The following TIGAR variants were observed in gnomAD, a reference collection of about 807,000 sequenced individuals.
TIGAR encodes fructose-2,6-bisphosphatase TIGAR.
In TIGAR, 7 loss-of-function variants were observed where a neutral mutation model predicts 17.9. The ratio of observed to expected loss-of-function variants is 0.39; its 90% confidence interval spans 0.22 to 0.73. The LOEUF (loss-of-function observed/expected upper bound fraction) is 0.73, where lower values mean the gene tolerates loss of function less well. TIGAR is among the 30% of genes least tolerant of loss of function. The pLI is 0.42. For synonymous variants in TIGAR, 94 were observed against 108.6 expected (o/e 0.87, Z 0.84); for missense variants, 258 against 327.4 (o/e 0.79, Z 1.64).
rs1315792773 is a variant in TIGAR at position 4,358,248 on chromosome 12, C to T, written c.*5557C>T. Among the ~76,000 whole-genome samples, 3 of 149,650 alleles carry T rather than the reference C, an allele frequency of 2.0e-5. No individual in the cohort carries two copies. In the South Asian group the frequency reaches 6.3e-4, roughly 31 times the overall value. On this transcript the variant is annotated 3_prime_UTR_variant, in exon 6 of 6. Coordinates refer to ENST00000179259, the MANE Select transcript of TIGAR (RefSeq NM_020375.3). ...CCAGCCTGGCCAACATGGTGAAACCCTGTCTTTACTAAAAATACAAAAATT... is the reference window on the plus strand; with the variant it reads ...CCAGCCTGGCCAACATGGTGAAACCTTGTCTTTACTAAAAATACAAAAATT...
At chr12:4,345,831 A>T (rs1411247704) in intron 3 of TIGAR, among the ~76,000 whole-genome samples, 1 of 152,224 alleles carries the variant, frequency 6.6e-6, no homozygotes, top group African/African-American at 2.4e-5. Flanking sequence ...CAACCTACAG[A>T]ATGGGAGAAA....
chr12:4,324,351 G>A (rs941213141), intron 1 of TIGAR: 1 of 717,790 alleles, frequency 1.4e-6, no homozygotes. Flanking sequence ...GGAAATATGT[G>A]TGCCTTTATT....
In TIGAR at chr12:4,356,837, C is replaced by T. The variant is rs1211633859; in HGVS notation, c.*4146C>T. On this transcript the variant is annotated 3_prime_UTR_variant, in exon 6 of 6. Transcript: ENST00000179259. ...TTCCAGTTCCAGGCTTCACCCCAGG[C>T]TCGCAGCTTCAAGCAGAGCCTGTCG... is the stretch of plus-strand genomic sequence containing the variant. 6.6e-6 allele frequency among the ~76,000 whole-genome samples: 1 copy of T among 152,190 alleles called. No individual in the cohort carries two copies. Among genetic ancestry groups the T allele is most frequent in the Non-Finnish European group, 1.5e-5 (1 of 68,038 alleles).
chr12:4,321,724 G>C lies in TIGAR; in HGVS notation c.32+421G>C, dbSNP rs907249037. On this transcript the variant is annotated intron_variant, in intron 1 of 5. Transcript: ENST00000179259. The surrounding 1 kb of genome is among the most constrained non-coding windows in gnomAD (Gnocchi z 5.2). The stretch of plus-strand genomic sequence containing the variant: ...ATGTTTTTGATGCCGGCTGCCTTCC[G>C]CTATCCTCTCAGTTTCTGAGGTTCC... Among the ~76,000 whole-genome samples the C allele has an allele frequency of 1.3e-5, 2 of 152,160 alleles. No homozygotes were observed. Among genetic ancestry groups the C allele is most frequent in the Non-Finnish European group, 2.9e-5 (2 of 68,026 alleles).
At chr12:4,334,325 G>A (rs1253315711) in intron 2 of TIGAR, among the ~76,000 whole-genome samples, 1 of 152,128 alleles carries the variant, frequency 6.6e-6, no homozygotes, top group Non-Finnish European at 1.5e-5. Context: ...TCACATGGCA[G>A]AGAGATAGAT....
In TIGAR at chr12:4,352,742, C is replaced by T; in HGVS notation, c.*51C>T. On this transcript the variant is annotated 3_prime_UTR_variant, in exon 6 of 6. Transcript: ENST00000179259. The stretch of plus-strand genomic sequence containing the variant: ...CATTTTGAGCCTCTGAAGGGAGTGC[C>T]ATTGGCTTTATTTACTTCTCTCCTC... 5.2e-6 allele frequency: 8 copies of T among 1,525,612 alleles called. No individual in the cohort carries two copies. Among genetic ancestry groups the T allele is most frequent in the Non-Finnish European group, 7.0e-6 (8 of 1,137,814 alleles). 94.5% of individuals were successfully genotyped at this position (1,525,612 alleles called of 1,614,324 possible). A position where few individuals can be genotyped will look rare whatever the true frequency, so the allele number is the denominator to read the frequency against.
chr12:4,348,368 A>G (rs1303885697), intron 3 of TIGAR, among the ~76,000 whole-genome samples: 1 of 152,234 alleles, frequency 6.6e-6, no homozygotes, highest in African/African-American at 2.4e-5. Context: ...CCATATCTAC[A>G]TTCATTATAG....
intron 4 of TIGAR, among the ~76,000 whole-genome samples, chr12:4,350,099 A>G (rs1030629154): frequency 2.0e-5 from 3 of 152,230 alleles, no homozygotes; most frequent in Non-Finnish European, 4.4e-5. Context: ...CAAGCATCTT[A>G]AGGTATAAAA....
chr12:4,338,021 T>C (rs927018533), intron 3 of TIGAR, among the ~76,000 whole-genome samples: 2 of 152,038 alleles, frequency 1.3e-5, no homozygotes, highest in Non-Finnish European at 2.9e-5. Context: ...TCCCAGCTAC[T>C]TGGGAGGCTG....
intron 3 of TIGAR, among the ~76,000 whole-genome samples, chr12:4,347,477 A>G (rs753369512): frequency 1.1e-4 from 17 of 152,328 alleles, no homozygotes; most frequent in African/African-American, 3.4e-4. Context: ...AAGACCTAGT[A>G]TTTGATAGCG....
Position 4,358,059 on chromosome 12 carries a change from G to A in TIGAR, c.*5368G>A, listed in dbSNP as rs936662813. 7.4e-5 allele frequency among the ~76,000 whole-genome samples: 11 copies of A among 149,390 alleles called. No homozygotes were observed. Among genetic ancestry groups the A allele is most frequent in the South Asian group, 2.1e-4 (1 of 4,728 alleles). On this transcript the variant is annotated 3_prime_UTR_variant, in exon 6 of 6. Coordinates refer to ENST00000179259, the MANE Select transcript of TIGAR (RefSeq NM_020375.3). ...GTGGAGCTTGCAGTGAGCCAAGGTC[G>A]CGCCACTGCACTGCAGCCTGGGTGA... is the stretch of plus-strand genomic sequence containing the variant.
chr12:4,359,228 T>G lies in TIGAR; in HGVS notation c.*6537T>G, dbSNP rs1162464188. 1.3e-5 allele frequency among the ~76,000 whole-genome samples: 2 copies of G among 152,164 alleles called. No homozygotes were observed. Among genetic ancestry groups the G allele is most frequent in the Non-Finnish European group, 2.9e-5 (2 of 68,034 alleles). On this transcript the variant is annotated 3_prime_UTR_variant, in exon 6 of 6. Coordinates refer to ENST00000179259, the MANE Select transcript of TIGAR (RefSeq NM_020375.3). Reference sequence around the variant, plus strand: ...CCTACTTATTTATGTCAGTATGAGCTCAGAAGTTCTTATTCAGGGGCTTAT... The same window carrying G: ...CCTACTTATTTATGTCAGTATGAGCGCAGAAGTTCTTATTCAGGGGCTTAT...
At chr12:4,350,826 TC>T (rs1336194099) in intron 4 of TIGAR, among the ~76,000 whole-genome samples, 2 of 151,988 alleles carry the variant, frequency 1.3e-5, no homozygotes, top group African/African-American at 4.8e-5. Flanking sequence ...TGTTAGCGTC[TC>T]TGAAACTCAA....
chr12:4,324,739 GCA>G, intron 1 of TIGAR: 1 of 629,262 alleles, frequency 1.6e-6, no homozygotes, highest in Admixed American at 2.3e-5. Flanking sequence ...GTCCCGTCCC[GCA>G]GCTGGTCCAA....
At chr12:4,343,858 A>G (rs1411301949) in intron 3 of TIGAR, among the ~76,000 whole-genome samples, 4 of 152,246 alleles carry the variant, frequency 2.6e-5, no homozygotes, top group African/African-American at 9.6e-5. Context: ...AAGCTAGCAG[A>G]AGGCAAGAAA....
chr12:4,337,192 G>A, intron 3 of TIGAR, 32 bp downstream of exon 3: 2 of 1,549,336 alleles, frequency 1.3e-6, no homozygotes, highest in Non-Finnish European at 1.8e-6. Context: ...TTTTGAGACA[G>A]AGCGTCACTC....
intron 2 of TIGAR, chr12:4,335,765 A>G (rs921561893): frequency 6.6e-6 from 1 of 152,252 alleles, no homozygotes; most frequent in African/African-American, 2.4e-5. Flanking sequence ...ACTCTAATAT[A>G]TCTGAGCTAT....
At chr12:4,346,970 A>G (rs938267347) in intron 3 of TIGAR, among the ~76,000 whole-genome samples, 9 of 152,192 alleles carry the variant, frequency 5.9e-5, no homozygotes, top group Non-Finnish European at 8.8e-5. Flanking sequence ...TAGTACAACC[A>G]CTGTGAAGAA....
chr12:4,341,752 C>CAGAAGG (rs1864724825), intron 3 of TIGAR, among the ~76,000 whole-genome samples: 1 of 152,248 alleles, frequency 6.6e-6, no homozygotes, highest in African/African-American at 2.4e-5. Flanking sequence ...TCACCATCAT[C>CAGAAGG]AAAGACCAAA....
Sources: gnomAD v4.1 joint callset for allele counts (sites outside exome capture counted in the v4.1 genomes callset) on GRCh38, gnomAD v4.1.1 for gene constraint, Gnocchi (gnomAD v3.1) non-coding constraint, MANE v1.5 for transcripts, NCBI Gene and HGNC (gene_info 2026-07-23, HGNC 2026-07-21) for gene names.